The following DLGAP2 variants were observed in gnomAD, a reference collection of about 807,000 sequenced individuals.
DLGAP2 encodes the protein disks large-associated protein 2.
Under a neutral mutation model 100.3 loss-of-function variants are expected in DLGAP2, and 26 were observed. The ratio of observed to expected loss-of-function variants is 0.26; its 90% CI spans 0.19 to 0.36. The LOEUF (loss-of-function observed/expected upper bound fraction) is 0.36. Ranked by LOEUF, DLGAP2 falls within the 10% of genes least tolerant of loss-of-function variation. The probability of loss-of-function intolerance (pLI) is 1.00; values close to 1 mark genes in which losing one functional copy is unlikely to be tolerated. For synonymous variants in DLGAP2, 886 were observed against 630.1 expected (o/e 1.41, Z -6.08); for missense variants, 1,858 against 1,453.2 (o/e 1.28, Z -4.53).
chr8:1,300,184 G>C (rs1160669298), intron 3 of DLGAP2: 1 of 152,200 alleles, frequency 6.6e-6, no homozygotes, highest in South Asian at 2.1e-4. Context: ...AATGTTCAAA[G>C]CCAATAGCAC....
intron 3 of DLGAP2, among the ~76,000 whole-genome samples, chr8:1,499,988 G>A (rs1799662610): frequency 6.7e-6 from 1 of 148,164 alleles, no homozygotes. Flanking sequence ...TTGGGTGGGG[G>A]GGGTGGGGGC....
At chr8:1,327,241 G>A (rs1291475318) in intron 3 of DLGAP2, among the ~76,000 whole-genome samples, 2 of 152,230 alleles carry the variant, frequency 1.3e-5, no homozygotes, top group Non-Finnish European at 2.9e-5. Flanking sequence ...TGAGCTAAGT[G>A]ACCAACCAGG....
At chr8:839,891 C>T (rs983171894) in intron 1 of DLGAP2, among the ~76,000 whole-genome samples, 3 of 152,240 alleles carry the variant, frequency 2.0e-5, no homozygotes, top group African/African-American at 7.2e-5. Flanking sequence ...GCCGTTTGGC[C>T]TGTACGTCTC....
At chr8:1,221,481 G>A (rs553850928) in intron 2 of DLGAP2, among the ~76,000 whole-genome samples, 2 of 152,248 alleles carry the variant, frequency 1.3e-5, no homozygotes, top group African/African-American at 2.4e-5. Context: ...TTAGCCTGAT[G>A]GGGTTCCCTT....
intron 1 of DLGAP2, among the ~76,000 whole-genome samples, chr8:823,986 G>T (rs6982473): frequency 0.28 from 41,882 of 151,966 alleles, 6,614 homozygotes; most frequent in African/African-American, 0.43. Flanking sequence ...CATTTGTCAC[G>T]TCCCCTAACT....
chr8:1,457,439 A>G (rs1798346494), intron 3 of DLGAP2, among the ~76,000 whole-genome samples: 1 of 152,166 alleles, frequency 6.6e-6, no homozygotes, highest in Non-Finnish European at 1.5e-5. Flanking sequence ...GTATTCCAGC[A>G]TATTTATCTA....
At chr8:1,230,258 T>A (rs543804586) in intron 2 of DLGAP2, among the ~76,000 whole-genome samples, 1 of 152,226 alleles carries the variant, frequency 6.6e-6, no homozygotes, top group Non-Finnish European at 1.5e-5. Flanking sequence ...CGCTATCCTA[T>A]TCTTAATAGC....
At chr8:1,550,229 G>A (rs973312931) in intron 5 of DLGAP2, among the ~76,000 whole-genome samples, 5 of 152,188 alleles carry the variant, frequency 3.3e-5, no homozygotes, top group Non-Finnish European at 7.3e-5. Context: ...TGTCCCCTGT[G>A]TATGTACCGC....
chr8:1,192,088 G>C (rs1038452892), intron 2 of DLGAP2, among the ~76,000 whole-genome samples: 4 of 152,126 alleles, frequency 2.6e-5, no homozygotes, highest in Non-Finnish European at 5.9e-5. Context: ...TGAGGTGTGC[G>C]TGGCCCCTGC....
intron 12 of DLGAP2, among the ~76,000 whole-genome samples, chr8:1,687,709 T>C (rs1315024227): frequency 2.0e-5 from 3 of 152,240 alleles, no homozygotes; most frequent in African/African-American, 7.2e-5. Context: ...TGAAGTACTT[T>C]GTATTAACAG....
rs7812706 is a variant in DLGAP2 at position 1,172,846 on chromosome 8, G to C, written c.74-86005G>C. 2.3e-4 allele frequency among the ~76,000 whole-genome samples: 35 copies of C among 151,944 alleles called. No individual in the cohort carries two copies. In the East Asian group the frequency reaches 5.1e-3, roughly 22 times the overall value. ...TGGTTTGAATTTCCTCCTGTAGCTC[G>C]TAGTTTGATCGTCTGAACCCTTCTT... On this transcript the variant is annotated intron_variant, in intron 2 of 14. Transcript: ENST00000637795.
At chr8:1,646,270 C>T (rs370376319) in intron 8 of DLGAP2, among the ~76,000 whole-genome samples, 6 of 152,110 alleles carry the variant, frequency 3.9e-5, no homozygotes, top group Admixed American at 1.3e-4. Flanking sequence ...ACCATGAGCC[C>T]GCCCAGATCT....
intron 2 of DLGAP2, among the ~76,000 whole-genome samples, chr8:1,161,550 C>A (rs1332917033): frequency 6.6e-6 from 1 of 152,200 alleles, no homozygotes; most frequent in Admixed American, 6.5e-5. Context: ...CACACACTCA[C>A]ATTTCAGGTA....
At chr8:1,536,992 G>C (rs1023884316) in intron 4 of DLGAP2, among the ~76,000 whole-genome samples, 2 of 151,966 alleles carry the variant, frequency 1.3e-5, no homozygotes, top group African/African-American at 4.8e-5. Context: ...ACCCTCCAAG[G>C]CCGGTACAAT....
intron 3 of DLGAP2, among the ~76,000 whole-genome samples, chr8:1,344,634 A>G (rs961205295): frequency 2.6e-5 from 4 of 152,286 alleles, no homozygotes; most frequent in African/African-American, 7.2e-5. Flanking sequence ...GCACTGGTCT[A>G]TCTGCTACAT....
intron 2 of DLGAP2, among the ~76,000 whole-genome samples, chr8:1,166,674 G>C (rs750842947): frequency 4.6e-4 from 70 of 151,960 alleles, no homozygotes; most frequent in Non-Finnish European, 8.5e-4. Context: ...TTCCAAACTT[G>C]TCTGATTTAA....
intron 6 of DLGAP2, among the ~76,000 whole-genome samples, chr8:1,571,187 C>T (rs1430685041): frequency 3.0e-5 from 2 of 66,730 alleles, no homozygotes; most frequent in Non-Finnish European, 5.5e-5. Context: ...ACTGTGGGGG[C>T]ATCTGATGAG....
chr8:874,645 G>T (rs1297896624), intron 1 of DLGAP2, among the ~76,000 whole-genome samples: 1 of 152,082 alleles, frequency 6.6e-6, no homozygotes, highest in Non-Finnish European at 1.5e-5. Flanking sequence ...GTATATTCTG[G>T]GAATGTTTTA....
chr8:1,103,785 T>C (rs1804664528), intron 2 of DLGAP2, among the ~76,000 whole-genome samples: 2 of 151,206 alleles, frequency 1.3e-5, no homozygotes, highest in African/African-American at 4.9e-5. Context: ...CGGTGATGAC[T>C]GGCGGGGCCT....
Sources: gnomAD v4.1 joint callset for allele counts (sites outside exome capture counted in the v4.1 genomes callset) on GRCh38, gnomAD v4.1.1 for gene constraint, MANE v1.5 for transcripts, NCBI Gene and HGNC (gene_info 2026-07-23, HGNC 2026-07-21) for gene names.